Variants in MIA2 observed in about 807,000 individuals in gnomAD.
MIA2 encodes melanoma inhibitory activity protein 2.
A neutral mutation model predicts 167.8 loss-of-function variants in MIA2; 127 were observed. The ratio of observed to expected loss-of-function variants is 0.76; its 90% CI spans 0.66 to 0.88. The LOEUF (loss-of-function observed/expected upper bound fraction) is 0.88, where lower values mean the gene tolerates loss of function less well. MIA2 is among the 40% of genes least tolerant of loss of function. The pLI, the probability that MIA2 is intolerant of heterozygous loss-of-function variation, is 0.00. For synonymous variants in MIA2, 552 were observed against 541.9 expected, an observed-to-expected ratio of 1.02 and a Z score of -0.26; for missense variants, 1,690 against 1,624.7, an observed-to-expected ratio of 1.04 and a Z score of -0.69.
At chr14:39,298,530 GTTTTTTTTTTTT>G (rs764475842) in intron 13 of MIA2, among the ~76,000 whole-genome samples, 2 of 26,180 alleles carry the variant, frequency 7.6e-5, no homozygotes, top group African/African-American at 3.1e-4. Context: ...GTAGAACAGA[GTTTTTTTTTTTT>G]TTTTTTTTTT....
intron 25 of MIA2, among the ~76,000 whole-genome samples, chr14:39,330,727 T>C (rs543548141): frequency 5.0e-4 from 76 of 152,190 alleles, no homozygotes; most frequent in Non-Finnish European, 9.6e-4. Flanking sequence ...ATTTACCTAG[T>C]AGTCATTCAG....
intron 25 of MIA2, among the ~76,000 whole-genome samples, chr14:39,328,511 T>G (rs973652964): frequency 3.3e-5 from 5 of 152,204 alleles, no homozygotes; most frequent in African/African-American, 1.2e-4. Context: ...TGCCATTGCT[T>G]TTGTTGTTTT....
At chr14:39,371,706 A>T (rs1037677130) in intron 23 of MIA2, among the ~76,000 whole-genome samples, 1 of 152,258 alleles carries the variant, frequency 6.6e-6, no homozygotes, top group African/African-American at 2.4e-5. Flanking sequence ...AGACGGAAAT[A>T]CGACTCAAAC....
intron 2 of MIA2, among the ~76,000 whole-genome samples, chr14:39,238,407 A>G (rs1177888763): frequency 2.0e-5 from 3 of 151,812 alleles, no homozygotes; most frequent in South Asian, 2.1e-4. Flanking sequence ...TCTTGACCTC[A>G]GGTGATCCAC....
At chr14:39,289,001 A>G (rs1244752651) in intron 9 of MIA2, among the ~76,000 whole-genome samples, 1 of 152,096 alleles carries the variant, frequency 6.6e-6, no homozygotes. Flanking sequence ...TGTGTTAGGA[A>G]ATATTCCCTC....
intron 24 of MIA2, among the ~76,000 whole-genome samples, chr14:39,323,615 ATTAAT>A (rs1393526994): frequency 1.3e-5 from 2 of 152,308 alleles, no homozygotes; most frequent in East Asian, 3.9e-4. Flanking sequence ...ATCCCGTTTC[ATTAAT>A]TTAATCTTAA....
chr14:39,380,334 G>T (rs1019717504), intron 23 of MIA2, among the ~76,000 whole-genome samples: 3 of 152,138 alleles, frequency 2.0e-5, no homozygotes, highest in Non-Finnish European at 4.4e-5. Flanking sequence ...GAACAACTCA[G>T]ATGAAAACCA....
chr14:39,338,822 T>G (rs970847027), intron 25 of MIA2, among the ~76,000 whole-genome samples: 4 of 152,258 alleles, frequency 2.6e-5, no homozygotes, highest in African/African-American at 9.6e-5. Flanking sequence ...GTAATTCTTT[T>G]GCCAGGGTTA....
chr14:39,370,591 A>G (rs2074918874), intron 23 of MIA2: 2 of 365,418 alleles, frequency 5.5e-6, no homozygotes, highest in Non-Finnish European at 1.1e-5. Flanking sequence ...CTGCTCCGGC[A>G]TCCTCTTGAG....
chr14:39,302,270 T>A, intron 15 of MIA2, 21 bp downstream of exon 15: 3 of 1,610,512 alleles, frequency 1.9e-6, no homozygotes, highest in Non-Finnish European at 2.5e-6. Flanking sequence ...ATGACTCATC[T>A]CCTTTTGCTA....
chr14:39,296,815 G>T (rs1301214380), intron 13 of MIA2, among the ~76,000 whole-genome samples: 3 of 150,024 alleles, frequency 2.0e-5, no homozygotes, highest in African/African-American at 7.4e-5. Flanking sequence ...TTGCCTTGTT[G>T]ATCAGGCTGG....
intron 6 of MIA2, among the ~76,000 whole-genome samples, chr14:39,264,119 T>A (rs1182542063): frequency 6.6e-6 from 1 of 152,128 alleles, no homozygotes; most frequent in African/African-American, 2.4e-5. Flanking sequence ...CATTTTTGAG[T>A]CCCTAGTGTT....
intron 25 of MIA2, among the ~76,000 whole-genome samples, chr14:39,327,596 T>C (rs2067839404): frequency 6.6e-6 from 1 of 150,512 alleles, no homozygotes; most frequent in African/African-American, 2.4e-5. Flanking sequence ...ATTAGGTGTT[T>C]CTCCTAATGC....
intron 6 of MIA2, among the ~76,000 whole-genome samples, chr14:39,262,440 C>T (rs1032387424): frequency 6.6e-6 from 1 of 152,194 alleles, no homozygotes; most frequent in African/African-American, 2.4e-5. Context: ...AGTTTGAAGT[C>T]AGGTAGCATG....
chr14:39,263,528 C>G (rs1278346654), intron 6 of MIA2, among the ~76,000 whole-genome samples: 1 of 151,612 alleles, frequency 6.6e-6, no homozygotes, highest in Non-Finnish European at 1.5e-5. Context: ...AGCCATCATG[C>G]CCAGCATCTT....
intron 23 of MIA2, among the ~76,000 whole-genome samples, chr14:39,357,846 A>T (rs1249643177): frequency 6.7e-6 from 1 of 149,380 alleles, no homozygotes; most frequent in Non-Finnish European, 1.5e-5. Flanking sequence ...TTCTGGGTTG[A>T]AAATTCTTTT....
intron 4 of MIA2, 55 bp from the exon 5 acceptor site, chr14:39,252,693 G>C: frequency 2.2e-6 from 3 of 1,357,878 alleles, no homozygotes; most frequent in Non-Finnish European, 3.1e-6. Flanking sequence ...CAAAAGGGGA[G>C]CCCTCAACAA....
chr14:39,349,912 AATC>A (rs1234847097), intron 28 of MIA2, among the ~76,000 whole-genome samples, 183 bp from the exon 29 acceptor site: 1 of 152,170 alleles, frequency 6.6e-6, no homozygotes, highest in Non-Finnish European at 1.5e-5. Flanking sequence ...TATTTCCTTT[AATC>A]ATCTGTATTT....
intron 25 of MIA2, among the ~76,000 whole-genome samples, chr14:39,339,246 C>T (rs906467094): frequency 6.6e-6 from 1 of 152,172 alleles, no homozygotes; most frequent in African/African-American, 2.4e-5. Flanking sequence ...CAGTTCCTAA[C>T]AGCCCGCGGA....
Sources: gnomAD v4.1 joint callset for allele counts (sites outside exome capture counted in the v4.1 genomes callset) on GRCh38, gnomAD v4.1.1 for gene constraint, MANE v1.5 for transcripts, NCBI Gene and HGNC (gene_info 2026-07-23, HGNC 2026-07-21) for gene names.